DPYD: variants seen among roughly 807,000 people sequenced by gnomAD.
The protein encoded by DPYD is dihydropyrimidine dehydrogenase [NADP(+)].
DPYD carries 109 observed loss-of-function variants against 116.2 expected under a neutral mutation model. The ratio of observed to expected loss-of-function variants is 0.94; its 90% CI spans 0.80 to 1.10. DPYD has a LOEUF of 1.10. Ranked by LOEUF, DPYD falls within the 50% of genes least tolerant of loss-of-function variation. DPYD has a pLI of 0.00. For missense variants in DPYD, 1,302 were observed against 1,254.5 expected (o/e 1.04, Z -0.57); for synonymous variants, 440 against 432.0 (o/e 1.02, Z -0.23).
chr1:97,754,809 T>C (rs1231236740), intron 3 of DPYD, among the ~76,000 whole-genome samples: 1 of 152,142 alleles, frequency 6.6e-6, no homozygotes, highest in Non-Finnish European at 1.5e-5. Context: ...GTTTATCTTT[T>C]TCTTCAATTA....
chr1:97,511,619 T>C (rs1223198106), intron 13 of DPYD, among the ~76,000 whole-genome samples: 1 of 151,972 alleles, frequency 6.6e-6, no homozygotes, highest in East Asian at 1.9e-4. Context: ...ATGAAATTTA[T>C]GAGAAGGGTG....
At position 97,253,849 on chromosome 1, in the gene DPYD, C is replaced by T. The variant is rs544404645; in HGVS notation, c.2300-18855G>A. Among the ~76,000 whole-genome samples the T allele has an allele frequency of 2.1e-4, 32 of 152,134 alleles. No homozygotes were observed. In the South Asian group the frequency reaches 6.6e-3, roughly 32 times the overall value. On this transcript the variant is annotated intron_variant, in intron 18 of 22. Transcript: ENST00000370192. ...ATTCTTCTTGCTCTTATAAAAATAT[C>T]AGTTTACCTATATTATTTGGGAAAA...
At chr1:97,391,976 A>C (rs1462526316) in intron 14 of DPYD, among the ~76,000 whole-genome samples, 3 of 152,066 alleles carry the variant, frequency 2.0e-5, no homozygotes, top group African/African-American at 7.2e-5. Flanking sequence ...TTGATACAAA[A>C]AAAATAATAC....
chr1:97,820,825 T>C (rs116537380), intron 3 of DPYD, among the ~76,000 whole-genome samples: 3 of 152,326 alleles, frequency 2.0e-5, no homozygotes, highest in Non-Finnish European at 4.4e-5. Context: ...CAAAAATAAT[T>C]TGTATTCTTG....
chr1:97,110,977 G>T (rs1651551868), intron 20 of DPYD, among the ~76,000 whole-genome samples: 1 of 151,502 alleles, frequency 6.6e-6, no homozygotes, highest in Non-Finnish European at 1.5e-5. Context: ...AGACCAGCCT[G>T]GGCAACATAG....
At chr1:97,531,434 T>C (rs934356000) in intron 12 of DPYD, among the ~76,000 whole-genome samples, 4 of 152,192 alleles carry the variant, frequency 2.6e-5, no homozygotes, top group Non-Finnish European at 5.9e-5. Flanking sequence ...ATATGTTGTA[T>C]AGTTGACTGT....
At chr1:97,086,926 T>C (rs1649561216) in intron 21 of DPYD, among the ~76,000 whole-genome samples, 1 of 152,242 alleles carries the variant, frequency 6.6e-6, no homozygotes, top group Non-Finnish European at 1.5e-5. Context: ...GATGTAGCTA[T>C]TTAATCATTT....
At chr1:97,286,574 G>A (rs1369577198) in intron 18 of DPYD, among the ~76,000 whole-genome samples, 1 of 152,024 alleles carries the variant, frequency 6.6e-6, no homozygotes, top group Non-Finnish European at 1.5e-5. Context: ...ACGTAGATTT[G>A]GTCGTTTCAC....
intron 20 of DPYD, among the ~76,000 whole-genome samples, chr1:97,147,812 A>C (rs1195200291): frequency 6.6e-6 from 1 of 152,194 alleles, no homozygotes; most frequent in African/African-American, 2.4e-5. Flanking sequence ...TTGTGGAGCG[A>C]GTAATAGCTC....
chr1:97,629,909 C>A (rs1019225126), intron 8 of DPYD, among the ~76,000 whole-genome samples: 6 of 152,046 alleles, frequency 3.9e-5, no homozygotes, highest in African/African-American at 1.4e-4. Context: ...TAACCTATTA[C>A]CCATTTCTAA....
intron 3 of DPYD, among the ~76,000 whole-genome samples, chr1:97,758,814 C>G (rs1248232715): frequency 1.3e-5 from 2 of 152,276 alleles, no homozygotes; most frequent in East Asian, 3.9e-4. Flanking sequence ...CAGGAAACAT[C>G]AAGCTTCTTT....
chr1:97,578,379 A>G (rs1414416638), intron 10 of DPYD, among the ~76,000 whole-genome samples: 1 of 152,114 alleles, frequency 6.6e-6, no homozygotes, highest in East Asian at 1.9e-4. Flanking sequence ...TGTGGTGCAA[A>G]AAGCCAAAAC....
At chr1:97,876,962 G>A (rs1671952991) in intron 2 of DPYD, among the ~76,000 whole-genome samples, 1 of 151,936 alleles carries the variant, frequency 6.6e-6, no homozygotes, top group Admixed American at 6.6e-5. Flanking sequence ...CAAAGTGAAG[G>A]GCCCAGAGAT....
chr1:97,883,155 A>G (rs1271839288), intron 2 of DPYD, 109 bp downstream of exon 2: 2 of 686,260 alleles, frequency 2.9e-6, no homozygotes, highest in Non-Finnish European at 5.0e-6. Flanking sequence ...TATTTTTAAA[A>G]TCACGGCTGT....
In DPYD at chr1:97,082,480, G is replaced by A. The variant is rs754104186; in HGVS notation, c.2767-10C>T. 1 of 1,612,946 alleles carries A rather than the reference G, an allele frequency of 6.2e-7. No homozygotes were observed. Among genetic ancestry groups the A allele is most frequent in the South Asian group, 1.1e-5 (1 of 91,070 alleles). On this transcript the variant is annotated splice_polypyrimidine_tract_variant and intron_variant, in intron 21 of 22. Coordinates refer to ENST00000370192, the MANE Select transcript of DPYD (RefSeq NM_000110.4). ...CTTTTCCTATTACATCCTAAAAATA[G>A]CCACTGAATTACTTAGCAAGCTCAT... is the stretch of plus-strand genomic sequence containing the variant.
chr1:97,754,765 A>T (rs1015897026), intron 3 of DPYD, among the ~76,000 whole-genome samples: 1 of 152,196 alleles, frequency 6.6e-6, no homozygotes, highest in African/African-American at 2.4e-5. Flanking sequence ...GATTATGTAC[A>T]GGTGGGGTAA....
At chr1:97,914,986 A>T (rs1042525520) in intron 1 of DPYD, among the ~76,000 whole-genome samples, 1 of 152,188 alleles carries the variant, frequency 6.6e-6, no homozygotes, top group African/African-American at 2.4e-5. Context: ...TTGCCAATTG[A>T]TGTTTATATA....
In DPYD at chr1:97,306,334, A is replaced by G. The variant is rs55890337; in HGVS notation, c.2059-37T>C. ...GGTCGGTTAAATATAGAACAAAATT[A>G]AAGAATTGTGATCAAAATGTGTACT... On this transcript the variant is annotated intron_variant, in intron 16 of 22. Transcript: ENST00000370192. 2.9e-4 allele frequency: 467 copies of G among 1,611,084 alleles called. 1 individual carries two copies. Among genetic ancestry groups the G allele is most frequent in the Non-Finnish European group, 3.8e-4 (451 of 1,178,034 alleles).
intron 21 of DPYD, among the ~76,000 whole-genome samples, chr1:97,089,275 T>G (rs999141161): frequency 6.6e-6 from 1 of 152,158 alleles, no homozygotes. Context: ...TCAACAGAAG[T>G]GGAAAGCATT....
Sources: allele counts gnomAD v4.1 joint callset (sites outside exome capture counted in the v4.1 genomes callset), GRCh38; gene constraint gnomAD v4.1.1; transcripts MANE v1.5; gene names NCBI Gene and HGNC (gene_info 2026-07-23, HGNC 2026-07-21).